Variants in VIT observed in about 807,000 individuals in gnomAD.
VIT encodes vitrin.
In VIT, 99 loss-of-function variants were observed where a neutral mutation model predicts 78.0. The ratio of observed to expected loss-of-function variants is 1.27; its 90% CI spans 1.08 to 1.50. The LOEUF (loss-of-function observed/expected upper bound fraction) is 1.50, where lower values mean the gene tolerates loss of function less well. Among genes scored for constraint, VIT ranks in the 40% most tolerant of loss-of-function variants. The pLI, the probability that VIT is intolerant of heterozygous loss-of-function variation, is 0.00. For synonymous variants in VIT, 374 were observed against 334.3 expected (o/e 1.12, Z -1.29); for missense variants, 1,126 against 875.3 (o/e 1.29, Z -3.61).
chr2:36,703,064 C>A (rs1402396872), intron 1 of VIT, among the ~76,000 whole-genome samples: 1 of 152,188 alleles, frequency 6.6e-6, no homozygotes, highest in African/African-American at 2.4e-5. Context: ...AGGACTTAAT[C>A]ATGGGACAGA....
At chr2:36,810,960 T>C (rs894297370) in intron 15 of VIT, among the ~76,000 whole-genome samples, 1 of 152,200 alleles carries the variant, frequency 6.6e-6, no homozygotes, top group Non-Finnish European at 1.5e-5. Flanking sequence ...ATTTCAGTTA[T>C]TTGGCAGGAT....
chr2:36,704,830 T>C (rs1335485480), intron 1 of VIT, among the ~76,000 whole-genome samples: 1 of 152,054 alleles, frequency 6.6e-6, no homozygotes, highest in East Asian at 1.9e-4. Context: ...AGGGTGTGGA[T>C]CTTGCAGACG....
chr2:36,731,427 C>A (rs887862240), intron 3 of VIT, among the ~76,000 whole-genome samples: 1 of 152,016 alleles, frequency 6.6e-6, no homozygotes, highest in Admixed American at 6.6e-5. Flanking sequence ...GCGCCCGCCA[C>A]CACACCCGGC....
At chr2:36,727,357 C>T (rs1306078133) in intron 2 of VIT, among the ~76,000 whole-genome samples, 1 of 152,170 alleles carries the variant, frequency 6.6e-6, no homozygotes, top group Admixed American at 6.5e-5. Flanking sequence ...GATGCACACA[C>T]ATGCACATGC....
intron 3 of VIT, among the ~76,000 whole-genome samples, chr2:36,736,837 T>C (rs566552484): frequency 3.3e-5 from 5 of 152,334 alleles, no homozygotes; most frequent in South Asian, 2.1e-4. Flanking sequence ...CATAAGTCCA[T>C]AGTAAGTCAC....
intron 3 of VIT, among the ~76,000 whole-genome samples, chr2:36,735,440 A>C (rs757784723): frequency 6.6e-6 from 1 of 152,200 alleles, no homozygotes; most frequent in East Asian, 1.9e-4. Context: ...GTGGAATTCA[A>C]ATTCCTTACT....
At chr2:36,724,752 C>G (rs1278526076) in intron 2 of VIT, among the ~76,000 whole-genome samples, 1 of 152,172 alleles carries the variant, frequency 6.6e-6, no homozygotes. Flanking sequence ...CAACCAAAAG[C>G]AAATGATGGG....
intron 13 of VIT, among the ~76,000 whole-genome samples, chr2:36,801,737 C>A (rs1351229712): frequency 6.7e-6 from 1 of 149,920 alleles, no homozygotes; most frequent in Admixed American, 6.7e-5. Context: ...GATGGCGCCA[C>A]TGCACTCCAG....
At chr2:36,797,508 A>G (rs1002487771) in intron 12 of VIT, among the ~76,000 whole-genome samples, 16 of 152,354 alleles carry the variant, frequency 1.1e-4, no homozygotes, top group African/African-American at 3.6e-4. Flanking sequence ...TGACTGAGTG[A>G]GTCAGAGAGG....
At chr2:36,726,505 T>C (rs1187312715) in intron 2 of VIT, among the ~76,000 whole-genome samples, 1 of 152,132 alleles carries the variant, frequency 6.6e-6, no homozygotes, top group Non-Finnish European at 1.5e-5. Context: ...TTTTCAATAA[T>C]AAAAACAGCC....
chr2:36,756,685 C>T (rs906252545), intron 5 of VIT, among the ~76,000 whole-genome samples: 27 of 152,150 alleles, frequency 1.8e-4, no homozygotes, highest in African/African-American at 6.0e-4. Context: ...GGGTATCAAC[C>T]GCAGTACTGT....
rs886898179 is a variant in VIT, at chr2:36,814,600, T to C, written c.*239T>C. ...TACATCATGTTGAGGGTGCTGGAGA[T>C]TTTACATTTTGACAATTGTTTTCAA... On this transcript the variant is annotated 3_prime_UTR_variant, in exon 16 of 16. Transcript: ENST00000379242. The C allele has an allele frequency of 1.0e-5, 5 of 490,406 alleles. No individual in the cohort carries two copies. Among genetic ancestry groups the C allele is most frequent in the African/African-American group, 7.7e-5 (4 of 52,000 alleles). 30.4% of individuals were successfully genotyped at this position (490,406 alleles called of 1,614,324 possible). A position where few individuals can be genotyped will look rare whatever the true frequency, so the allele number is the denominator to read the frequency against.
chr2:36,764,308 G>T (rs991416745), intron 6 of VIT, among the ~76,000 whole-genome samples: 11 of 152,150 alleles, frequency 7.2e-5, no homozygotes, highest in African/African-American at 2.2e-4. Flanking sequence ...AAGTGGATTT[G>T]TTAAATGGCT....
chr2:36,733,213 C>T (rs1450238507), intron 3 of VIT, among the ~76,000 whole-genome samples: 2 of 152,170 alleles, frequency 1.3e-5, no homozygotes, highest in African/African-American at 2.4e-5. Context: ...GAACCCAAGG[C>T]AGGAAATACA....
chr2:36,723,892 A>C (rs1666665927), intron 2 of VIT, among the ~76,000 whole-genome samples: 2 of 148,044 alleles, frequency 1.4e-5, no homozygotes, highest in African/African-American at 4.9e-5. Flanking sequence ...TCAAGGTAGC[A>C]GTACGCTGTG....
chr2:36,814,543 T>A lies in VIT; in HGVS notation c.*182T>A. On this transcript the variant is annotated 3_prime_UTR_variant, in exon 16 of 16. Coordinates refer to ENST00000379242, the MANE Select transcript of VIT (RefSeq NM_053276.4). ...ATTCCAAAACTTGGAGTTACAAAGA[T>A]GATCACAAACGTATAGAATGAGCCA... 9 of 758,750 alleles carry A rather than the reference T, an allele frequency of 1.2e-5. No individual in the cohort carries two copies. The highest frequency in any genetic ancestry group is 1.6e-5 in the Non-Finnish European group (8 of 490,810). 47.0% of individuals were successfully genotyped at this position (758,750 alleles called of 1,614,324 possible).
At chr2:36,803,918 G>T (rs1666516516) in intron 13 of VIT, among the ~76,000 whole-genome samples, 1 of 152,114 alleles carries the variant, frequency 6.6e-6, no homozygotes, top group Non-Finnish European at 1.5e-5. Context: ...GTGCCCTGGG[G>T]TTCACAGAGC....
At chr2:36,716,659 T>C (rs954264457) in intron 2 of VIT, among the ~76,000 whole-genome samples, 20 of 152,172 alleles carry the variant, frequency 1.3e-4, no homozygotes, top group African/African-American at 4.8e-4. Context: ...TACATATATG[T>C]CTTGGTATAT....
intron 9 of VIT, among the ~76,000 whole-genome samples, chr2:36,778,445 T>A (rs1213111047): frequency 6.6e-6 from 1 of 152,236 alleles, no homozygotes; most frequent in Admixed American, 6.5e-5. Flanking sequence ...CTTATGCTGG[T>A]TGGCTTCTTG....
Sources: gnomAD v4.1 joint callset for allele counts (sites outside exome capture counted in the v4.1 genomes callset) on GRCh38, gnomAD v4.1.1 for gene constraint, MANE v1.5 for transcripts, NCBI Gene and HGNC (gene_info 2026-07-23, HGNC 2026-07-21) for gene names.